The following CTIF variants were observed in gnomAD, a reference collection of about 807,000 sequenced individuals.
The protein encoded by CTIF is cap binding complex dependent translation initiation factor.
In CTIF, 21 loss-of-function variants were observed where a neutral mutation model predicts 66.0. That is an observed-to-expected ratio of 0.32 (90% CI 0.23 to 0.46). CTIF has a LOEUF of 0.46. Ranked by LOEUF, CTIF falls within the 20% of genes least tolerant of loss-of-function variation. The pLI is 1.00. For synonymous variants in CTIF, 345 were observed against 326.4 expected (o/e 1.06, Z -0.62); for missense variants, 739 against 812.7 (o/e 0.91, Z 1.10).
At chr18:48,714,530 G>A (rs541313937) in intron 7 of CTIF, among the ~76,000 whole-genome samples, 4 of 152,204 alleles carry the variant, frequency 2.6e-5, no homozygotes, top group East Asian at 1.9e-4. Context: ...CAGCATGAGC[G>A]TGCTGCTGAA....
chr18:48,571,484 C>T (rs1272354182), intron 1 of CTIF, among the ~76,000 whole-genome samples: 9 of 152,278 alleles, frequency 5.9e-5, no homozygotes, highest in Admixed American at 4.6e-4. Context: ...TATTTTGTTT[C>T]CCCTTTCAGT....
chr18:48,558,733 T>G (rs1321783926), intron 1 of CTIF, among the ~76,000 whole-genome samples: 3 of 152,202 alleles, frequency 2.0e-5, no homozygotes, highest in African/African-American at 7.2e-5. Flanking sequence ...CATCAGAAAC[T>G]TCTCAGCTGG....
At chr18:48,549,222 A>C (rs1427492550) in intron 1 of CTIF, among the ~76,000 whole-genome samples, 1 of 152,262 alleles carries the variant, frequency 6.6e-6, no homozygotes, top group African/African-American at 2.4e-5. Flanking sequence ...CTTTGCTTAG[A>C]GGACGTAGGG....
At chr18:48,784,094 C>A (rs1911494428) in intron 9 of CTIF, among the ~76,000 whole-genome samples, 2 of 152,214 alleles carry the variant, frequency 1.3e-5, no homozygotes, top group South Asian at 4.1e-4. Context: ...AAAAGGAGGT[C>A]CCCTCTCCTG....
intron 1 of CTIF, among the ~76,000 whole-genome samples, chr18:48,545,167 G>C (rs1422269786): frequency 2.0e-5 from 3 of 152,212 alleles, no homozygotes; most frequent in Non-Finnish European, 4.4e-5. Context: ...AGGCTGCCTG[G>C]GTGTAGGAAG....
intron 10 of CTIF, among the ~76,000 whole-genome samples, chr18:48,824,031 A>T (rs2068535883): frequency 6.8e-6 from 1 of 148,144 alleles, no homozygotes; most frequent in Non-Finnish European, 1.5e-5. Flanking sequence ...TAGAACTAAT[A>T]AATGAATTCA....
At chr18:48,718,840 C>A (rs970913265) in intron 7 of CTIF, among the ~76,000 whole-genome samples, 1 of 152,154 alleles carries the variant, frequency 6.6e-6, no homozygotes, top group Admixed American at 6.5e-5. Context: ...GTAAAGATTT[C>A]TTTTACTCCA....
chr18:48,590,901 G>T (rs114197294), intron 1 of CTIF, among the ~76,000 whole-genome samples: 2,606 of 152,074 alleles, frequency 0.017, 66 homozygotes, highest in African/African-American at 0.059. Context: ...GAGGAACTTG[G>T]ACAACAGCCA....
rs117686003 is a variant in CTIF at position 48,684,099 on chromosome 18, A to G, written c.507+13355A>G. 1.3e-3 allele frequency among the ~76,000 whole-genome samples: 198 copies of G among 152,336 alleles called. 5 individuals carry two copies. In the East Asian group the frequency reaches 0.034, roughly 26 times the overall value. On this transcript the variant is annotated intron_variant, in intron 6 of 11. Transcript: ENST00000256413. The stretch of plus-strand genomic sequence containing the variant: ...ACCTCAGTAGCCACTTGCACCTCGC[A>G]TGCTTTGTGGCTCTGATTAGATCAT...
At chr18:48,602,272 G>C (rs2090104079) in intron 1 of CTIF, among the ~76,000 whole-genome samples, 1 of 152,214 alleles carries the variant, frequency 6.6e-6, no homozygotes, top group Non-Finnish European at 1.5e-5. Context: ...TTTAATATTA[G>C]AGAAGCAAAT....
chr18:48,850,049 C>T (rs1431906998), intron 10 of CTIF, among the ~76,000 whole-genome samples: 3 of 152,210 alleles, frequency 2.0e-5, no homozygotes, highest in Non-Finnish European at 4.4e-5. Flanking sequence ...CTGGCACCCA[C>T]CATTCTGCTC....
intron 6 of CTIF, among the ~76,000 whole-genome samples, chr18:48,686,604 G>C (rs1159549610): frequency 1.3e-5 from 2 of 152,140 alleles, no homozygotes; most frequent in Admixed American, 1.3e-4. Flanking sequence ...CTGTTATTCT[G>C]CTTCTCCAGA....
At chr18:48,545,886 G>C (rs939132944) in intron 1 of CTIF, among the ~76,000 whole-genome samples, 2 of 152,082 alleles carry the variant, frequency 1.3e-5, no homozygotes, top group Admixed American at 1.3e-4. Context: ...GCCGGCCGCT[G>C]TCGTCAGGGA....
chr18:48,715,518 C>A (rs370149635), intron 7 of CTIF, among the ~76,000 whole-genome samples: 6 of 152,164 alleles, frequency 3.9e-5, no homozygotes, highest in Non-Finnish European at 5.9e-5. Context: ...TCGTTCCCCC[C>A]CTTTTCTCAA....
chr18:48,577,774 C>T (rs2143758895), intron 1 of CTIF, among the ~76,000 whole-genome samples: 1 of 152,286 alleles, frequency 6.6e-6, no homozygotes, highest in South Asian at 2.1e-4. Flanking sequence ...GGCATTTCAC[C>T]ATGTTGCCCA....
intron 9 of CTIF, 22 bp from the exon 10 acceptor site, chr18:48,817,199 G>C (rs199600310): frequency 3.7e-6 from 6 of 1,608,594 alleles, no homozygotes; most frequent in Non-Finnish European, 5.1e-6. Context: ...GGAGGCTGAC[G>C]CGGTCTCTCA....
At chr18:48,787,408 A>G (rs1911810391) in intron 9 of CTIF, among the ~76,000 whole-genome samples, 1 of 152,140 alleles carries the variant, frequency 6.6e-6, no homozygotes, top group African/African-American at 2.4e-5. Flanking sequence ...GGATGGAGAG[A>G]GGAGACTCAC....
At chr18:48,576,839 T>G (rs986313104) in intron 1 of CTIF, among the ~76,000 whole-genome samples, 2 of 152,226 alleles carry the variant, frequency 1.3e-5, no homozygotes, top group African/African-American at 4.8e-5. Flanking sequence ...GGGCTTGTCT[T>G]TTGTGTGGTT....
intron 9 of CTIF, among the ~76,000 whole-genome samples, chr18:48,781,481 C>A (rs1006487448): frequency 6.6e-6 from 1 of 152,166 alleles, no homozygotes; most frequent in Non-Finnish European, 1.5e-5. Context: ...GTGGAGGAAA[C>A]GGGCTGGAGA....
Sources: allele counts gnomAD v4.1 joint callset (sites outside exome capture counted in the v4.1 genomes callset), GRCh38; gene constraint gnomAD v4.1.1; transcripts MANE v1.5; gene names NCBI Gene and HGNC (gene_info 2026-07-23, HGNC 2026-07-21).